DEAF1: variants seen among roughly 807,000 people sequenced by gnomAD.
DEAF1 encodes the protein DEAF1 transcription factor.
DEAF1 carries 53 observed loss-of-function variants against 58.9 expected under a neutral mutation model. The ratio of observed to expected loss-of-function variants is 0.90; its 90% CI spans 0.72 to 1.13. The LOEUF (loss-of-function observed/expected upper bound fraction) is 1.13. Among genes scored for constraint, DEAF1 ranks in the 50% most tolerant of loss-of-function variants. The probability of loss-of-function intolerance (pLI) is 0.00; values close to 1 mark genes in which losing one functional copy is unlikely to be tolerated. For missense variants in DEAF1, 685 were observed against 791.4 expected (o/e 0.87, Z 1.61); for synonymous variants, 385 against 340.4 (o/e 1.13, Z -1.44).
chr11:661,825 C>T (rs1257378071), intron 10 of DEAF1, among the ~76,000 whole-genome samples: 1 of 152,230 alleles, frequency 6.6e-6, no homozygotes, highest in Non-Finnish European at 1.5e-5. Context: ...CTCATTCCCA[C>T]ACGTGGACCT....
At chr11:703,441 C>A in intron 1 of DEAF1, 9 of 1,288,186 alleles carry the variant, frequency 7.0e-6, no homozygotes, top group Non-Finnish European at 8.8e-6. Context: ...TGGGGTCTGG[C>A]TTTAGCAGCC....
chr11:703,852 A>C, intron 1 of DEAF1: 1 of 1,235,782 alleles, frequency 8.1e-7, no homozygotes, highest in East Asian at 3.2e-5. Context: ...TGCAGGAGAG[A>C]GAGCAGCGGA....
chr11:703,592 C>T, intron 1 of DEAF1: 1 of 1,233,278 alleles, frequency 8.1e-7, no homozygotes, highest in Non-Finnish European at 1.0e-6. Flanking sequence ...TCCCAGTTTA[C>T]TCCGTGGCCA....
At chr11:691,929 G>A (rs1860853570) in intron 1 of DEAF1, among the ~76,000 whole-genome samples, 1 of 152,140 alleles carries the variant, frequency 6.6e-6, no homozygotes, top group Non-Finnish European at 1.5e-5. Context: ...CTGCGGCACA[G>A]CTGTGGGTTC....
At chr11:700,175 C>T, upstream of DEAF1, 1 of 1,614,194 alleles carries the variant, frequency 6.2e-7, no homozygotes, top group South Asian at 1.1e-5. Context: ...GCTGTTTTAT[C>T]TCAGCGGAAC....
chr11:671,258 G>A (rs555311932), intron 10 of DEAF1, among the ~76,000 whole-genome samples: 1 of 147,180 alleles, frequency 6.8e-6, no homozygotes, highest in South Asian at 2.2e-4. Context: ...GTCTTGCTCT[G>A]TCGCCAGACT....
intron 5 of DEAF1, among the ~76,000 whole-genome samples, 195 bp from the exon 6 acceptor site, chr11:685,158 C>T (rs533701915): frequency 1.4e-5 from 2 of 146,602 alleles, no homozygotes; most frequent in Admixed American, 1.4e-4. Context: ...GTTCTCGGCT[C>T]AGTGCAACCT....
At chr11:673,046 G>A (rs1002303521) in intron 10 of DEAF1, among the ~76,000 whole-genome samples, 1 of 152,036 alleles carries the variant, frequency 6.6e-6, no homozygotes, top group Non-Finnish European at 1.5e-5. Context: ...CTACTTGGGA[G>A]GCTGAGGCAG....
rs149305692 is a variant in DEAF1, at chr11:688,805, G to A, written c.388-345C>T. Among the ~76,000 whole-genome samples, 3 of 152,144 alleles carry A rather than the reference G, an allele frequency of 2.0e-5. No individual in the cohort carries two copies. Among genetic ancestry groups the A allele is most frequent in the Non-Finnish European group, 4.4e-5 (3 of 68,034 alleles). On this transcript the variant is annotated intron_variant, in intron 2 of 11. Coordinates refer to ENST00000382409, the MANE Select transcript of DEAF1 (RefSeq NM_021008.4). The surrounding 1 kb of genome is among the most constrained non-coding windows in gnomAD (Gnocchi z 4.3). ...CTTCATGCAGAGTTTCCAACAGACC[G>A]AGTTGGCCGCCACAGACAAGGCCTT...
intron 6 of DEAF1, among the ~76,000 whole-genome samples, chr11:682,563 CCT>C (rs148661968): frequency 2.8e-4 from 42 of 152,310 alleles, no homozygotes; most frequent in South Asian, 1.9e-3. Flanking sequence ...GTTCTTACGG[CCT>C]CTCTCTCTTT....
In DEAF1 at chr11:684,514, C is replaced by T. The variant is rs183681235; in HGVS notation, c.870+384G>A. Among the ~76,000 whole-genome samples the T allele has an allele frequency of 2.5e-3, 376 of 152,174 alleles. 3 individuals are homozygous for T. Among genetic ancestry groups the T allele is most frequent in the Admixed American group, 0.02 (306 of 15,296 alleles). On this transcript the variant is annotated intron_variant, in intron 6 of 11. Coordinates refer to ENST00000382409, the MANE Select transcript of DEAF1 (RefSeq NM_021008.4). ...CGTCAAAAAGGCGTTAAAAGCTCTACACATGAATAAGTTTACAGTAGCATT... is the reference window on the plus strand; with the variant it reads ...CGTCAAAAAGGCGTTAAAAGCTCTATACATGAATAAGTTTACAGTAGCATT...
intron 9 of DEAF1, 182 bp downstream of exon 9, chr11:678,508 CTGTG>C (rs1162717309): frequency 3.7e-6 from 3 of 819,852 alleles, no homozygotes; most frequent in African/African-American, 3.4e-5. Flanking sequence ...ATGGACGTGG[CTGTG>C]TGTCAGTAAA....
At chr11:695,361 G>T (rs1024521596), upstream of DEAF1, 8 of 427,162 alleles carry the variant, frequency 1.9e-5, no homozygotes, top group Non-Finnish European at 2.1e-5. Context: ...AGTCCGAATA[G>T]GTCCGAGTCC....
At chr11:657,747 C>A (rs1223385728) in intron 10 of DEAF1, among the ~76,000 whole-genome samples, 2 of 152,138 alleles carry the variant, frequency 1.3e-5, no homozygotes, top group Non-Finnish European at 2.9e-5. Flanking sequence ...TCCACCCCCA[C>A]GAGAAAGCAC....
chr11:667,436 G>GA, intron 10 of DEAF1, among the ~76,000 whole-genome samples: 1 of 95,676 alleles, frequency 1.0e-5, no homozygotes, highest in African/African-American at 8.9e-5. Context: ...AAGAGGAAAG[G>GA]AAGGAAGGAA....
chr11:656,316 T>A (rs1859053866), intron 10 of DEAF1, among the ~76,000 whole-genome samples: 1 of 152,132 alleles, frequency 6.6e-6, no homozygotes, highest in Non-Finnish European at 1.5e-5. Flanking sequence ...CCACCATGCC[T>A]GGCTAATTTT....
intron 4 of DEAF1, 97 bp from the exon 5 acceptor site, chr11:687,094 C>T (rs1189706764): frequency 2.2e-5 from 35 of 1,556,982 alleles, no homozygotes; most frequent in Non-Finnish European, 3.1e-5. Flanking sequence ...CCACCAGCAC[C>T]AGCGCCCCAG....
intron 11 of DEAF1, chr11:646,242 GACT>G (rs1422630289): frequency 9.0e-6 from 1 of 111,100 alleles, no homozygotes; most frequent in East Asian, 2.9e-4. Context: ...GACAGAGTGA[GACT>G]ACGTCTCAAA....
At chr11:701,616 A>G (rs7112603) in intron 1 of DEAF1, among the ~76,000 whole-genome samples, 127,818 of 151,454 alleles carry the variant, frequency 0.84, 54,838 homozygotes, top group East Asian at 0.97. Flanking sequence ...TCACCATGTT[A>G]GCCAGGATGG....
Sources: gnomAD v4.1 joint callset for allele counts (sites outside exome capture counted in the v4.1 genomes callset) on GRCh38, gnomAD v4.1.1 for gene constraint, Gnocchi (gnomAD v3.1) non-coding constraint, MANE v1.5 for transcripts, NCBI Gene and HGNC (gene_info 2026-07-23, HGNC 2026-07-21) for gene names.